The following TRPM6 variants were observed in gnomAD, a reference collection of about 807,000 sequenced individuals.
TRPM6 encodes the protein channel kinase 2.
Under a neutral mutation model 247.6 loss-of-function variants are expected in TRPM6, and 111 were observed. That is an observed-to-expected ratio of 0.45 (90% CI 0.38 to 0.52). The LOEUF (loss-of-function observed/expected upper bound fraction) is 0.52, where lower values mean the gene tolerates loss of function less well. Ranked by LOEUF, TRPM6 falls within the 20% of genes least tolerant of loss-of-function variation. The probability of loss-of-function intolerance (pLI) is 0.00; values close to 1 mark genes in which losing one functional copy is unlikely to be tolerated. For missense variants in TRPM6, 2,126 were observed against 2,421.5 expected, an observed-to-expected ratio of 0.88 and a Z score of 2.56; for synonymous variants, 892 against 853.8, an observed-to-expected ratio of 1.04 and a Z score of -0.78.
At chr9:74,822,350 C>A (rs776007413) in intron 7 of TRPM6, among the ~76,000 whole-genome samples, 2 of 151,926 alleles carry the variant, frequency 1.3e-5, no homozygotes, top group Admixed American at 6.6e-5. Context: ...ACCAGGCTCA[C>A]GCAATCCTCC....
intron 1 of TRPM6, among the ~76,000 whole-genome samples, chr9:74,883,210 GAAT>G (rs200441834): frequency 0.013 from 2,002 of 152,232 alleles, 41 homozygotes; most frequent in African/African-American, 0.044. Flanking sequence ...TTTTAAGGCT[GAAT>G]AATATTCCCT....
At chr9:74,870,174 T>C (rs1830977245) in intron 1 of TRPM6, among the ~76,000 whole-genome samples, 1 of 146,942 alleles carries the variant, frequency 6.8e-6, no homozygotes, top group South Asian at 2.3e-4. Flanking sequence ...CCAAAGTATC[T>C]GCTAAATTTA....
At chr9:74,729,323 A>T (rs1220760675) in intron 37 of TRPM6, among the ~76,000 whole-genome samples, 1 of 152,236 alleles carries the variant, frequency 6.6e-6, no homozygotes, top group Non-Finnish European at 1.5e-5. Flanking sequence ...CGGTTTTTCA[A>T]AAGGGACGTG....
intron 1 of TRPM6, chr9:74,887,416 C>T: frequency 8.1e-7 from 1 of 1,241,074 alleles, no homozygotes; most frequent in Non-Finnish European, 1.1e-6. Context: ...CGCGCCTTCT[C>T]TCCTCCGGAT....
Position 74,796,824 on chromosome 9 carries a change from G to C in TRPM6, c.2308C>G (p.His770Asp), listed in dbSNP as rs1245239517. 2 of 1,613,794 alleles carry C rather than the reference G, an allele frequency of 1.2e-6. No individual in the cohort carries two copies. The highest frequency in any genetic ancestry group is 4.5e-5 in the East Asian group (2 of 44,860). ...LEFKSKAEMS[H>D]VPQSQDFQFM... ...TGGAAGTCCTGGGACTGGGGAACATGTGACATCTCAGCTTTGCTTTTAAAT... is the reference window on the plus strand; with the variant it reads ...TGGAAGTCCTGGGACTGGGGAACATCTGACATCTCAGCTTTGCTTTTAAAT... Residue 770 changes from histidine to aspartate, a missense_variant, in exon 18 of 39, where the codon CAT becomes GAT. Around this residue, in one of 3 missense-constraint regions of TRPM6, gnomAD observed 1,082 missense variants for 1,307.9 expected, o/e 0.83. Coordinates refer to ENST00000360774, the MANE Select transcript of TRPM6 (RefSeq NM_017662.5).
Position 74,738,490 on chromosome 9 carries a change from T to C in TRPM6, c.5693A>G (p.Asn1898Ser), listed in dbSNP as rs753872070. Residue 1898 changes from asparagine (N) to serine (S), a missense_variant, in exon 36 of 39, where the codon AAC becomes AGC. Physicochemically the swap from Asn to Ser is conservative, Grantham distance 46 (BLOSUM62 1). Coordinates refer to ENST00000360774, the MANE Select transcript of TRPM6 (RefSeq NM_017662.5). ...NNNGDEITPTNTLEELMLAFS... is the reference protein window; with the variant it reads ...NNNGDEITPTSTLEELMLAFS... ...AGCCAACATCAGCTCCTCCAGGGTGTTGGTGGGGGTGATTTCATCACCATT... is the reference window on the plus strand; with the variant it reads ...AGCCAACATCAGCTCCTCCAGGGTGCTGGTGGGGGTGATTTCATCACCATT... The C allele has an allele frequency of 3.1e-6, 5 of 1,614,108 alleles. No individual in the cohort carries two copies. In the South Asian group the frequency reaches 4.4e-5, roughly 14 times the overall value.
In TRPM6 at chr9:74,724,723, G is replaced by A; in HGVS notation, c.5959C>T (p.Pro1987Ser). ...LPDLKRNDYSPERINSTFGLE... is the reference protein window; with the variant it reads ...LPDLKRNDYSSERINSTFGLE... ...CCAAAGGTGGAATTTATCCTTTCAGGGGAATAGTCATTTCTTTTTAAATCT... is the reference window on the plus strand; with the variant it reads ...CCAAAGGTGGAATTTATCCTTTCAGAGGAATAGTCATTTCTTTTTAAATCT... Residue 1987 changes from proline (P) to serine (S), a missense_variant, in exon 39 of 39, where the codon CCT becomes TCT. Pro to Ser is a moderately conservative substitution (Grantham distance 74, BLOSUM62 -1). Coordinates refer to ENST00000360774, the MANE Select transcript of TRPM6 (RefSeq NM_017662.5). 13 of 1,614,106 alleles carry A rather than the reference G, an allele frequency of 8.1e-6. No homozygotes were observed. The highest frequency in any genetic ancestry group is 1.1e-5 in the Non-Finnish European group (13 of 1,180,028).
At chr9:74,823,710 C>T (rs1239948310) in intron 7 of TRPM6, among the ~76,000 whole-genome samples, 2 of 152,090 alleles carry the variant, frequency 1.3e-5, no homozygotes, top group East Asian at 1.9e-4. Context: ...AAGAAAATTT[C>T]GATTAATATT....
At chr9:74,834,219 A>C in intron 5 of TRPM6, 97 bp from the exon 6 acceptor site, 1 of 1,455,944 alleles carries the variant, frequency 6.9e-7, no homozygotes, top group Non-Finnish European at 9.6e-7. Flanking sequence ...AAGCATATGC[A>C]AGGGCTATTC....
intron 34 of TRPM6, 81 bp from the exon 35 acceptor site, chr9:74,739,530 A>G: frequency 6.5e-7 from 1 of 1,534,264 alleles, no homozygotes; most frequent in Non-Finnish European, 9.0e-7. Flanking sequence ...GGCTACCCCA[A>G]TGTGATTTTT....
chr9:74,802,288 G>T, intron 15 of TRPM6, 113 bp from the exon 16 acceptor site: 1 of 939,648 alleles, frequency 1.1e-6, no homozygotes, highest in Admixed American at 2.3e-5. Context: ...CTAAAAAAGA[G>T]ATGGAAATAA....
At chr9:74,755,600 G>A (rs1826406255) in intron 27 of TRPM6, 127 bp from the exon 28 acceptor site, 2 of 1,216,890 alleles carry the variant, frequency 1.6e-6, no homozygotes, top group Non-Finnish European at 2.4e-6. Context: ...AATTGCCTGG[G>A]AAGTGCTGAC....
intron 7 of TRPM6, among the ~76,000 whole-genome samples, chr9:74,822,663 A>T (rs1829171972): frequency 6.6e-6 from 1 of 152,040 alleles, no homozygotes. Context: ...ATTTTTTATC[A>T]TGACTATATA....
intron 9 of TRPM6, among the ~76,000 whole-genome samples, chr9:74,817,906 C>T (rs544635421): frequency 6.6e-6 from 1 of 152,200 alleles, no homozygotes; most frequent in Non-Finnish European, 1.5e-5. Flanking sequence ...CTTGAGGCTG[C>T]TGCTGAATCT....
At chr9:74,788,851 C>A in intron 19 of TRPM6, 109 bp from the exon 20 acceptor site, 1 of 1,350,112 alleles carries the variant, frequency 7.4e-7, no homozygotes, top group African/African-American at 1.4e-5. Context: ...CATGATAACA[C>A]GAACACAGAA....
chr9:74,834,100 AT>A lies in TRPM6; in HGVS notation c.566del (p.Asp189ValfsTer3), dbSNP rs866539425. On this transcript the variant is annotated frameshift_variant, in exon 6 of 39. Coordinates refer to ENST00000360774, the MANE Select transcript of TRPM6 (RefSeq NM_017662.5). LOFTEE classifies it high-confidence loss of function. ...AATGAGAGGAATGGGATTTCAAGGCATCCCCAACATGCTTGGACACTCCTAT... is the reference window on the plus strand; with the variant it reads ...AATGAGAGGAATGGGATTTCAAGGCACCCCAACATGCTTGGACACTCCTAT... ...INTGVSKHVGDALKSHSSHSL... is the reference protein window; with the variant it reads ...INTGVSKHVGXALKSHSSHSL... The A allele has an allele frequency of 2.5e-6, 4 of 1,614,136 alleles. No homozygotes were observed. The highest frequency in any genetic ancestry group is 3.4e-6 in the Non-Finnish European group (4 of 1,179,984).
intron 19 of TRPM6, among the ~76,000 whole-genome samples, chr9:74,789,562 G>A (rs965212855): frequency 1.3e-5 from 2 of 152,134 alleles, no homozygotes; most frequent in African/African-American, 4.8e-5. Flanking sequence ...TCTGACAGAA[G>A]GGCTTTACCA....
rs532669466 is a variant in TRPM6 at position 74,867,060 on chromosome 9, A to G, written c.34-8312T>C. ...GCAAATCTCTTTCATGTCTGGCTAA[A>G]GATGGCTAAATTCTCATGTTTGCTT... is the stretch of plus-strand genomic sequence containing the variant. On this transcript the variant is annotated intron_variant, in intron 1 of 38. Transcript: ENST00000360774. 7.2e-5 allele frequency among the ~76,000 whole-genome samples: 11 copies of G among 152,342 alleles called. No individual in the cohort carries two copies. The South Asian group carries it at 2.1e-3, about 29-fold the overall frequency.
intron 20 of TRPM6, 150 bp downstream of exon 20, chr9:74,788,464 T>TA: frequency 4.3e-6 from 4 of 928,888 alleles, no homozygotes; most frequent in Middle Eastern, 2.3e-4. Context: ...CAAATAACCT[T>TA]TATGCAGCAT....
Sources: gnomAD v4.1 joint callset for allele counts (sites outside exome capture counted in the v4.1 genomes callset) on GRCh38, gnomAD v4.1.1 for gene constraint, gnomAD v4.1.1 regional missense constraint, MANE v1.5 for transcripts, NCBI Gene and HGNC (gene_info 2026-07-23, HGNC 2026-07-21) for gene names.